The following ME1 variants were observed in gnomAD, a reference collection of about 807,000 sequenced individuals.
ME1 encodes the protein NADP-dependent malic enzyme.
In ME1, 74 loss-of-function variants were observed where a neutral mutation model predicts 66.4. The ratio of observed to expected loss-of-function variants is 1.11; its 90% CI spans 0.92 to 1.35. The LOEUF (loss-of-function observed/expected upper bound fraction) is 1.35, where lower values mean the gene tolerates loss of function less well. Among genes scored for constraint, ME1 ranks in the 40% most tolerant of loss-of-function variants. The pLI, the probability that ME1 is intolerant of heterozygous loss-of-function variation, is 0.00. For missense variants in ME1, 750 were observed against 694.1 expected (o/e 1.08, Z -0.90); for synonymous variants, 251 against 235.6 (o/e 1.07, Z -0.60).
rs545540636 is a variant in ME1 at position 83,302,654 on chromosome 6, C to A, written c.704+12656G>T. On this transcript the variant is annotated intron_variant, in intron 6 of 13. Coordinates refer to ENST00000369705, the MANE Select transcript of ME1 (RefSeq NM_002395.6). ...ATACAGAAAACTTCTCTAATCCAGT[C>A]TAGATATTTAACCTGAGTTATGAAA... is the stretch of plus-strand genomic sequence containing the variant. Among the ~76,000 whole-genome samples the A allele has an allele frequency of 3.3e-5, 5 of 152,162 alleles. No homozygotes were observed. In the East Asian group the frequency reaches 9.7e-4, roughly 29 times the overall value.
intron 6 of ME1, among the ~76,000 whole-genome samples, chr6:83,280,780 A>C (rs1185295494): frequency 2.6e-5 from 4 of 152,198 alleles, no homozygotes. Context: ...ACATATAATT[A>C]GGTATTAGTT....
Position 83,227,420 on chromosome 6 carries a change from A to C in ME1, c.1190T>G (p.Phe397Cys). ...SEQILKDMAA[F>C]NERPIIFALS... is the part of the protein sequence containing the mutation. ...AGCAAAAATAATAGGCCGTTCATTG[A>C]AGGCAGCCATATCTTTGAGAATTTG... Residue 397 changes from phenylalanine (F) to cysteine (C), a missense_variant, in exon 11 of 14, where the codon TTC (phenylalanine) becomes TGC (cysteine). By Grantham distance (205) the Phe-to-Cys change is radical. Transcript: ENST00000369705. The C allele has an allele frequency of 6.2e-7, 1 of 1,605,170 alleles. No individual in the cohort carries two copies. Among genetic ancestry groups the C allele is most frequent in the East Asian group, 2.2e-5 (1 of 44,654 alleles).
chr6:83,219,714 C>T (rs955699875), intron 12 of ME1, among the ~76,000 whole-genome samples: 7 of 151,172 alleles, frequency 4.6e-5, no homozygotes. Flanking sequence ...GCTGAGACAA[C>T]AGCTGTGTGC....
At chr6:83,367,221 T>C (rs1178801706) in intron 3 of ME1, among the ~76,000 whole-genome samples, 1 of 152,204 alleles carries the variant, frequency 6.6e-6, no homozygotes, top group Non-Finnish European at 1.5e-5. Flanking sequence ...CAGTAAATCA[T>C]GCTGTAAACA....
chr6:83,388,845 GCCAGATGCGGTGGTAATC>G (rs1769564027), intron 3 of ME1, among the ~76,000 whole-genome samples: 1 of 152,152 alleles, frequency 6.6e-6, no homozygotes, highest in Admixed American at 6.6e-5. Flanking sequence ...AGTGAATGAG[GCCAGATGCGGTGGTAATC>G]CCAGCACTTT....
chr6:83,357,031 G>A (rs565245052), intron 3 of ME1, among the ~76,000 whole-genome samples: 27 of 152,198 alleles, frequency 1.8e-4, no homozygotes, highest in Admixed American at 1.0e-3. Flanking sequence ...TGACTTTCAA[G>A]ACATTGATAC....
At chr6:83,373,331 G>A (rs1041759227) in intron 3 of ME1, among the ~76,000 whole-genome samples, 9 of 152,064 alleles carry the variant, frequency 5.9e-5, no homozygotes, top group East Asian at 3.9e-4. Context: ...TACCTCCCGG[G>A]TTTAAGCGAT....
chr6:83,240,191 T>C (rs767693762), intron 7 of ME1, among the ~76,000 whole-genome samples: 7 of 152,010 alleles, frequency 4.6e-5, no homozygotes, highest in African/African-American at 7.2e-5. Flanking sequence ...AAGAAACTCT[T>C]AATGTAAGAG....
At chr6:83,370,062 C>T (rs1769168153) in intron 3 of ME1, among the ~76,000 whole-genome samples, 1 of 152,062 alleles carries the variant, frequency 6.6e-6, no homozygotes, top group Non-Finnish European at 1.5e-5. Context: ...TAAGAATCTA[C>T]ATCTCAATCA....
chr6:83,422,702 T>C (rs893149167), intron 1 of ME1, among the ~76,000 whole-genome samples: 1 of 152,134 alleles, frequency 6.6e-6, no homozygotes, highest in Non-Finnish European at 1.5e-5. Flanking sequence ...TAATAAAATA[T>C]TCATTGGATG....
chr6:83,295,916 T>A (rs989144638), intron 6 of ME1, among the ~76,000 whole-genome samples: 2 of 151,860 alleles, frequency 1.3e-5, no homozygotes, highest in Non-Finnish European at 2.9e-5. Flanking sequence ...TAGAAAACTT[T>A]GAAGAGATGG....
chr6:83,364,950 A>G (rs1282941815), intron 3 of ME1, among the ~76,000 whole-genome samples: 1 of 151,902 alleles, frequency 6.6e-6, no homozygotes, highest in African/African-American at 2.4e-5. Flanking sequence ...TCAGACACCA[A>G]TCTCTGAAGT....
intron 6 of ME1, among the ~76,000 whole-genome samples, chr6:83,282,359 AT>A (rs1191878694): frequency 6.6e-6 from 1 of 152,230 alleles, no homozygotes; most frequent in Non-Finnish European, 1.5e-5. Context: ...TTTGCAATCT[AT>A]CCATCTGACA....
chr6:83,276,101 CA>C (rs1475148335), intron 6 of ME1, among the ~76,000 whole-genome samples: 1 of 152,008 alleles, frequency 6.6e-6, no homozygotes, highest in Non-Finnish European at 1.5e-5. Flanking sequence ...GCACAACATA[CA>C]GAAAGTCACT....
intron 6 of ME1, among the ~76,000 whole-genome samples, chr6:83,257,069 C>T (rs1766786953): frequency 6.6e-6 from 1 of 151,888 alleles, no homozygotes; most frequent in Admixed American, 6.6e-5. Flanking sequence ...GGAGGGATAA[C>T]ATTAGGAGAA....
At chr6:83,398,904 C>T (rs953989645) in intron 2 of ME1, among the ~76,000 whole-genome samples, 12 of 152,044 alleles carry the variant, frequency 7.9e-5, no homozygotes, top group African/African-American at 2.9e-4. Context: ...GAGTTCAAGA[C>T]CAGCCTGGCC....
chr6:83,315,020 C>G (rs1370996624), intron 6 of ME1, among the ~76,000 whole-genome samples: 2 of 152,108 alleles, frequency 1.3e-5, no homozygotes, highest in East Asian at 3.8e-4. Flanking sequence ...AATTTAGTCA[C>G]TGGTCACTGC....
intron 1 of ME1, among the ~76,000 whole-genome samples, chr6:83,411,707 G>C (rs1770051628): frequency 6.6e-6 from 1 of 152,122 alleles, no homozygotes. Flanking sequence ...ACTGTCATTT[G>C]ATTTCTACCA....
In ME1 at chr6:83,254,847, C is replaced by T. The variant is rs147535612; in HGVS notation, c.705-1109G>A. On this transcript the variant is annotated intron_variant, in intron 6 of 13. Transcript: ENST00000369705. Reference sequence around the variant, plus strand: ...TTAAGACCACCTCCCTTGGCCATGACAAAATCAAAGCTATAGTTACTTATC... The same window carrying T: ...TTAAGACCACCTCCCTTGGCCATGATAAAATCAAAGCTATAGTTACTTATC... 7.1e-4 allele frequency among the ~76,000 whole-genome samples: 108 copies of T among 152,212 alleles called. 1 individual carries two copies. In the East Asian group the frequency reaches 0.018, roughly 26 times the overall value.
Sources: allele counts gnomAD v4.1 joint callset (sites outside exome capture counted in the v4.1 genomes callset), GRCh38; gene constraint gnomAD v4.1.1; transcripts MANE v1.5; gene names NCBI Gene and HGNC (gene_info 2026-07-23, HGNC 2026-07-21).